Variants in CS observed in about 807,000 individuals in gnomAD.
CS encodes citrate synthase, also known as citrate synthase, mitochondrial.
In CS, 13 loss-of-function variants were observed where a neutral mutation model predicts 61.4. The ratio of observed to expected loss-of-function variants is 0.21; its 90% CI spans 0.14 to 0.34. CS has a LOEUF of 0.34. CS is among the 10% of genes least tolerant of loss of function. The probability of loss-of-function intolerance (pLI) is 1.00; values close to 1 mark genes in which losing one functional copy is unlikely to be tolerated. For missense variants in CS, 278 were observed against 573.4 expected (o/e 0.48, Z 5.26); for synonymous variants, 159 against 215.2 (o/e 0.74, Z 2.29).
At chr12:56,273,316 A>C in intron 10 of CS, 62 bp from the exon 11 acceptor site, 5 of 1,513,864 alleles carry the variant, frequency 3.3e-6, no homozygotes, top group Non-Finnish European at 9.0e-7. Context: ...TACAAGTCCT[A>C]GGTGATAGAA....
At position 56,273,616 on chromosome 12, in the gene CS, C is replaced by T; in HGVS notation, c.1201G>A (p.Val401Ile). 1 of 1,614,044 alleles carries T rather than the reference C, an allele frequency of 6.2e-7. No individual in the cohort carries two copies. The highest frequency in any genetic ancestry group is 1.3e-5 in the African/African-American group (1 of 75,028). The change falls in exon 10 of 11, where the codon GTA becomes ATA. Residue 401 changes from valine to isoleucine, a missense_variant. Coordinates refer to ENST00000351328, the MANE Select transcript of CS (RefSeq NM_004077.3). ...AGCAGCACCCCACTGTGAGCATCTA[C>T]ATTGGGCCAAGGATTCTTGGCTTTA... ...QGKAKNPWPNVDAHSGVLLQY... is the reference protein window; with the variant it reads ...QGKAKNPWPNIDAHSGVLLQY...
Position 56,291,350 on chromosome 12 carries a change from TTTC to T in CS, c.43-4708_43-4706del, listed in dbSNP as rs1294635839. Reference sequence around the variant, plus strand: ...AGTCCCAATTTTCTTTCTTTCTTTCTTTCTTTTTTTTTTTTAACAGGCATCAAG... The same window carrying T: ...AGTCCCAATTTTCTTTCTTTCTTTCTTTTTTTTTTTTTAACAGGCATCAAG... On this transcript the variant is annotated intron_variant, in intron 1 of 10. Transcript: ENST00000351328. The T allele has an allele frequency of 2.7e-5, 24 of 886,330 alleles. No individual in the cohort carries two copies. The South Asian group carries it at 4.1e-4, about 15-fold the overall frequency. The allele number at this position is 886,330 out of a possible 1,614,324, so 54.9% of individuals were successfully genotyped here. A position where few individuals can be genotyped will look rare whatever the true frequency, so the allele number is the denominator to read the frequency against.
intron 4 of CS, among the ~76,000 whole-genome samples, chr12:56,283,267 G>A (rs550393017): frequency 5.9e-5 from 9 of 151,828 alleles, no homozygotes; most frequent in South Asian, 4.2e-4. Flanking sequence ...TTTTTGAGAC[G>A]GAGTCTCACA....
At chr12:56,286,180 A>AG (rs1872934189) in intron 2 of CS, 157 bp from the exon 3 acceptor site, 1 of 613,018 alleles carries the variant, frequency 1.6e-6, no homozygotes, top group East Asian at 2.8e-5. Flanking sequence ...AGAATTAGGC[A>AG]GGGGGAAGAA....
At chr12:56,279,414 A>G (rs1029348528) in intron 6 of CS, among the ~76,000 whole-genome samples, 3 of 152,098 alleles carry the variant, frequency 2.0e-5, no homozygotes, top group Non-Finnish European at 4.4e-5. Flanking sequence ...CGAGGCAGGC[A>G]GATCACAAGG....
At chr12:56,290,920 A>G (rs1873101478) in intron 1 of CS, among the ~76,000 whole-genome samples, 1 of 152,198 alleles carries the variant, frequency 6.6e-6, no homozygotes, top group African/African-American at 2.4e-5. Context: ...CCTCGCCAGA[A>G]GTATTTACAT....
chr12:56,292,790 G>C (rs1427380719), intron 1 of CS, among the ~76,000 whole-genome samples: 2 of 150,132 alleles, frequency 1.3e-5, no homozygotes, highest in African/African-American at 4.9e-5. Flanking sequence ...TGTAGTCCCA[G>C]CTACTCAGGA....
At chr12:56,297,994 C>A (rs143828410) in intron 1 of CS, among the ~76,000 whole-genome samples, 350 of 152,184 alleles carry the variant, frequency 2.3e-3, no homozygotes, top group African/African-American at 7.6e-3. Flanking sequence ...TTGCTACCCC[C>A]CCCGCCCTTT....
intron 1 of CS, among the ~76,000 whole-genome samples, chr12:56,296,586 A>G (rs754439406): frequency 6.6e-6 from 1 of 152,208 alleles, no homozygotes; most frequent in Non-Finnish European, 1.5e-5. Flanking sequence ...TCTGTTGCAT[A>G]AAGTATTGAC....
At chr12:56,273,470 C>A (rs1468067038) in intron 10 of CS, 117 bp downstream of exon 10, 1 of 1,138,352 alleles carries the variant, frequency 8.8e-7, no homozygotes, top group Non-Finnish European at 1.3e-6. Context: ...TCAACTTTAT[C>A]AAAATGCTCT....
At chr12:56,279,563 G>A (rs1282132216) in intron 6 of CS, among the ~76,000 whole-genome samples, 1 of 151,498 alleles carries the variant, frequency 6.6e-6, no homozygotes, top group Non-Finnish European at 1.5e-5. Flanking sequence ...TCAGGAGATC[G>A]AGACAATCCT....
chr12:56,295,877 C>T (rs997755283), intron 1 of CS, among the ~76,000 whole-genome samples: 8 of 148,798 alleles, frequency 5.4e-5, no homozygotes, highest in South Asian at 2.1e-4. Flanking sequence ...TGGCGTGAAC[C>T]CCAGAGGCGG....
At chr12:56,275,894 G>T in intron 7 of CS, 102 bp downstream of exon 7, 1 of 1,020,678 alleles carries the variant, frequency 9.8e-7, no homozygotes, top group Non-Finnish European at 1.5e-6. Context: ...TCTTCTTGCT[G>T]CCTATCATCT....
chr12:56,291,264 G>C (rs761232203), intron 1 of CS: 3 of 1,109,966 alleles, frequency 2.7e-6, no homozygotes, highest in South Asian at 3.8e-5. Flanking sequence ...CAGGAAAGAG[G>C]CAGTCAAGCC....
At chr12:56,284,305 G>T (rs1410788796) in intron 3 of CS, among the ~76,000 whole-genome samples, 1 of 102,950 alleles carries the variant, frequency 9.7e-6, no homozygotes, top group Non-Finnish European at 1.8e-5. Flanking sequence ...GGTGACAAGA[G>T]CAAAACTCCA....
At chr12:56,294,337 G>A (rs941074898) in intron 1 of CS, among the ~76,000 whole-genome samples, 9 of 151,600 alleles carry the variant, frequency 5.9e-5, no homozygotes, top group Admixed American at 1.3e-4. Context: ...AGTCGGGCAC[G>A]GTGGCGCACA....
At chr12:56,281,896 T>C (rs2135915364) in intron 6 of CS, among the ~76,000 whole-genome samples, 1 of 152,328 alleles carries the variant, frequency 6.6e-6, no homozygotes, top group East Asian at 1.9e-4. Flanking sequence ...TCTCACTCTG[T>C]TGCCCAGGCT....
chr12:56,283,955 A>G, intron 3 of CS, 98 bp from the exon 4 acceptor site: 1 of 850,068 alleles, frequency 1.2e-6, no homozygotes, highest in South Asian at 1.5e-5. Context: ...GGGATCTGGG[A>G]GAGAAAATTT....
chr12:56,273,019 C>T lies in CS; in HGVS notation c.*65G>A, dbSNP rs530474676. The T allele has an allele frequency of 5.4e-6, 7 of 1,298,612 alleles. No individual in the cohort carries two copies. In the East Asian group the frequency reaches 7.1e-5, roughly 13 times the overall value. The allele number at this position is 1,298,612 out of a possible 1,614,324, so 80.4% of individuals were successfully genotyped here. On this transcript the variant is annotated 3_prime_UTR_variant, in exon 11 of 11. Transcript: ENST00000351328. ...TTAAGTCTTTAAAGGCCCCCTGAAACAAAAGTATACTTTTTATTTAGGCTT... is the reference window on the plus strand; with the variant it reads ...TTAAGTCTTTAAAGGCCCCCTGAAATAAAAGTATACTTTTTATTTAGGCTT...
Sources: gnomAD v4.1 joint callset for allele counts (sites outside exome capture counted in the v4.1 genomes callset) on GRCh38, gnomAD v4.1.1 for gene constraint, MANE v1.5 for transcripts, NCBI Gene and HGNC (gene_info 2026-07-23, HGNC 2026-07-21) for gene names.